Variants in CACNA2D3 observed in about 807,000 individuals in gnomAD.
CACNA2D3 encodes the protein voltage-dependent calcium channel subunit alpha-2/delta-3.
A neutral mutation model predicts 160.6 loss-of-function variants in CACNA2D3; 60 were observed. That is an observed-to-expected ratio of 0.37 (90% CI 0.30 to 0.46). The LOEUF is 0.46. CACNA2D3 is among the 20% of genes least tolerant of loss of function. The pLI, the probability that CACNA2D3 is intolerant of heterozygous loss-of-function variation, is 1.00. For missense variants in CACNA2D3, 1,205 were observed against 1,365.0 expected, an observed-to-expected ratio of 0.88 and a Z score of 1.85; for synonymous variants, 558 against 492.9, an observed-to-expected ratio of 1.13 and a Z score of -1.75.
intron 2 of CACNA2D3, among the ~76,000 whole-genome samples, chr3:54,206,820 ACT>A (rs1701284718): frequency 2.0e-5 from 3 of 152,164 alleles, no homozygotes; most frequent in Non-Finnish European, 1.5e-5. Context: ...AGGGTAACTA[ACT>A]CTGGCTGTTG....
At position 54,859,010 on chromosome 3, in the gene CACNA2D3, A is replaced by G. The variant is rs1017085290; in HGVS notation, c.1627-12529A>G. ...TTGAAGGCTGTTGGAATAACTGGTT[A>G]TACATTTAAATGAATCACTAGAAAT... On this transcript the variant is annotated intron_variant, in intron 17 of 37. Transcript: ENST00000474759. Among the ~76,000 whole-genome samples the G allele has an allele frequency of 3.3e-5, 5 of 152,246 alleles. No individual in the cohort carries two copies. In the East Asian group the frequency reaches 5.8e-4, roughly 18 times the overall value.
chr3:54,982,900 C>T (rs767194819), intron 29 of CACNA2D3, among the ~76,000 whole-genome samples: 16 of 151,976 alleles, frequency 1.1e-4, no homozygotes, highest in South Asian at 2.1e-4. Context: ...GGGTTTTAGC[C>T]GGCTTCTTTA....
chr3:54,253,914 C>T (rs1051214710), intron 2 of CACNA2D3, among the ~76,000 whole-genome samples: 11 of 151,828 alleles, frequency 7.2e-5, no homozygotes, highest in African/African-American at 2.7e-4. Context: ...ATTATAGGTG[C>T]CTGCCACCAC....
At chr3:54,784,967 A>G (rs944511495) in intron 13 of CACNA2D3, among the ~76,000 whole-genome samples, 3 of 152,154 alleles carry the variant, frequency 2.0e-5, no homozygotes, top group East Asian at 1.9e-4. Context: ...GTACCTCTCT[A>G]CACTCTTGGG....
chr3:54,446,298 G>T (rs569213084), intron 4 of CACNA2D3, among the ~76,000 whole-genome samples: 4 of 152,206 alleles, frequency 2.6e-5, no homozygotes, highest in Non-Finnish European at 5.9e-5. Context: ...ATTTGGTCAA[G>T]AACTTTCATG....
At chr3:55,006,465 G>A (rs184432504) in intron 32 of CACNA2D3, among the ~76,000 whole-genome samples, 50 of 152,070 alleles carry the variant, frequency 3.3e-4, no homozygotes, top group Non-Finnish European at 6.0e-4. Context: ...TGACCAGCCC[G>A]GTCTTTTTGA....
chr3:54,992,626 C>T (rs1702765444), intron 31 of CACNA2D3, among the ~76,000 whole-genome samples: 1 of 152,042 alleles, frequency 6.6e-6, no homozygotes, highest in South Asian at 2.1e-4. Context: ...GAAGAGCCCC[C>T]AGCCCATCTT....
chr3:54,824,369 C>G (rs1278334118), intron 14 of CACNA2D3, among the ~76,000 whole-genome samples: 2 of 152,120 alleles, frequency 1.3e-5, no homozygotes, highest in Non-Finnish European at 2.9e-5. Flanking sequence ...TGTTCCCTGT[C>G]CTCCTCACAC....
intron 4 of CACNA2D3, among the ~76,000 whole-genome samples, chr3:54,424,395 G>A (rs960977633): frequency 6.6e-6 from 1 of 152,146 alleles, no homozygotes; most frequent in Non-Finnish European, 1.5e-5. Flanking sequence ...ATGGACTTTC[G>A]TGTTTTTCAA....
intron 9 of CACNA2D3, among the ~76,000 whole-genome samples, chr3:54,595,385 C>G (rs1702936763): frequency 6.6e-6 from 1 of 151,478 alleles, no homozygotes; most frequent in Non-Finnish European, 1.5e-5. Context: ...GGTGTCCATA[C>G]TCATTGGTTC....
chr3:54,882,426 T>A (rs1575528709), intron 21 of CACNA2D3, among the ~76,000 whole-genome samples: 3 of 152,304 alleles, frequency 2.0e-5, no homozygotes, highest in African/African-American at 7.2e-5. Context: ...GAGACACAGA[T>A]ACACACAGTT....
At chr3:54,225,823 C>T (rs1205563236) in intron 2 of CACNA2D3, among the ~76,000 whole-genome samples, 1 of 151,596 alleles carries the variant, frequency 6.6e-6, no homozygotes, top group African/African-American at 2.4e-5. Flanking sequence ...TCAGCAACTT[C>T]AGACTGAGTG....
intron 2 of CACNA2D3, among the ~76,000 whole-genome samples, chr3:54,290,216 AAAAC>A (rs1339010056): frequency 3.9e-5 from 6 of 152,230 alleles, no homozygotes; most frequent in African/African-American, 1.2e-4. Flanking sequence ...TTACAAGAAA[AAAAC>A]AAACAGCCCC....
chr3:54,284,311 A>C (rs1183634178), intron 2 of CACNA2D3, among the ~76,000 whole-genome samples: 1 of 151,504 alleles, frequency 6.6e-6, no homozygotes, highest in African/African-American at 2.4e-5. Flanking sequence ...AAAAAAATTA[A>C]ATAAAATGGT....
intron 4 of CACNA2D3, among the ~76,000 whole-genome samples, chr3:54,460,661 T>G (rs1052986952): frequency 7.9e-5 from 12 of 152,196 alleles, no homozygotes; most frequent in African/African-American, 2.2e-4. Flanking sequence ...CTTATCAGCT[T>G]AAGGAGATTT....
At chr3:54,153,402 G>A (rs1397056917) in intron 2 of CACNA2D3, among the ~76,000 whole-genome samples, 2 of 152,154 alleles carry the variant, frequency 1.3e-5, no homozygotes, top group Admixed American at 6.5e-5. Context: ...AGTGAGAAAT[G>A]GGTGGCCCCT....
At chr3:54,377,392 G>A (rs1699029834) in intron 3 of CACNA2D3, among the ~76,000 whole-genome samples, 1 of 152,222 alleles carries the variant, frequency 6.6e-6, no homozygotes, top group Non-Finnish European at 1.5e-5. Context: ...TGAACTTGGG[G>A]AGTTGTTCCA....
At chr3:54,173,523 C>T (rs1246131305) in intron 2 of CACNA2D3, among the ~76,000 whole-genome samples, 4 of 152,210 alleles carry the variant, frequency 2.6e-5, no homozygotes. Context: ...TGCTTGCTCA[C>T]TCTTTCTGCA....
At chr3:54,535,643 A>C (rs1701878095) in intron 5 of CACNA2D3, among the ~76,000 whole-genome samples, 1 of 152,236 alleles carries the variant, frequency 6.6e-6, no homozygotes, top group African/African-American at 2.4e-5. Context: ...AGAAAACAGA[A>C]TATTGAGAAC....
Sources: gnomAD v4.1 joint callset for allele counts (sites outside exome capture counted in the v4.1 genomes callset) on GRCh38, gnomAD v4.1.1 for gene constraint, MANE v1.5 for transcripts, NCBI Gene and HGNC (gene_info 2026-07-23, HGNC 2026-07-21) for gene names.